SLC36A1: variants seen among roughly 807,000 people sequenced by gnomAD.
SLC36A1 encodes the protein proton-coupled amino acid transporter 1.
SLC36A1 carries 30 observed loss-of-function variants against 47.5 expected under a neutral mutation model. The observed-to-expected ratio is 0.63, with a 90% CI of 0.47 to 0.86. The LOEUF (loss-of-function observed/expected upper bound fraction) is 0.86, where lower values mean the gene tolerates loss of function less well. Ranked by LOEUF, SLC36A1 falls within the 40% of genes least tolerant of loss-of-function variation. The pLI is 0.00. For missense variants in SLC36A1, 517 were observed against 606.0 expected (o/e 0.85, Z 1.54); for synonymous variants, 255 against 249.7 (o/e 1.02, Z -0.20).
chr5:151,554,374 G>A, the SLC36A1 span: 2 of 1,613,788 alleles, frequency 1.2e-6, no homozygotes, highest in Middle Eastern at 1.6e-4. Flanking sequence ...TTAGGATGTT[G>A]TACTCTCCAG....
chr5:151,367,423 A>T, the SLC36A1 span, among the ~76,000 whole-genome samples: 7 of 147,228 alleles, frequency 4.8e-5, no homozygotes, highest in African/African-American at 1.5e-4. Context: ...GAATTTAGCG[A>T]TATGTTTCCT....
the SLC36A1 span, among the ~76,000 whole-genome samples, chr5:151,531,224 G>C: frequency 6.6e-6 from 1 of 152,200 alleles, no homozygotes; most frequent in African/African-American, 2.4e-5. This position sits in a 1 kb window ranked among gnomAD's most constrained non-coding sequence, Gnocchi z 5.7. Context: ...TTAAGCCCCA[G>C]ATTCCAGCAA....
the SLC36A1 span, among the ~76,000 whole-genome samples, chr5:151,388,630 G>A: frequency 6.6e-6 from 1 of 151,950 alleles, no homozygotes; most frequent in African/African-American, 2.4e-5. Flanking sequence ...TGTGTCATGG[G>A]CCACCGTCAC....
At chr5:151,416,738 C>T in the SLC36A1 span, among the ~76,000 whole-genome samples, 1 of 152,202 alleles carries the variant, frequency 6.6e-6, no homozygotes, top group African/African-American at 2.4e-5. Flanking sequence ...TCAGGATAAT[C>T]CAGGATGATC....
the SLC36A1 span, among the ~76,000 whole-genome samples, chr5:151,407,741 A>G: frequency 2.0e-5 from 3 of 152,210 alleles, no homozygotes; most frequent in African/African-American, 7.2e-5. Flanking sequence ...GCCCTCTGCC[A>G]TTCTCTGGAG....
the SLC36A1 span, chr5:151,505,608 A>C: frequency 6.2e-7 from 1 of 1,614,082 alleles, no homozygotes. Flanking sequence ...ACTCTCCACC[A>C]TGTCAGAGCC....
chr5:151,514,308 TGTTGATCCCACC>T, the SLC36A1 span, among the ~76,000 whole-genome samples: 1 of 152,238 alleles, frequency 6.6e-6, no homozygotes, highest in Non-Finnish European at 1.5e-5. Flanking sequence ...ACCACAAATC[TGTTGATCCCACC>T]GTCTTTTCAT....
At chr5:151,486,270 A>G (rs1485141997) in intron 10 of SLC36A1, among the ~76,000 whole-genome samples, 4 of 152,140 alleles carry the variant, frequency 2.6e-5, no homozygotes, top group South Asian at 2.1e-4. Context: ...GAGGGCCCCA[A>G]GTCATTCATG....
chr5:151,498,701 C>A, the SLC36A1 span, among the ~76,000 whole-genome samples: 1 of 152,344 alleles, frequency 6.6e-6, no homozygotes, highest in East Asian at 1.9e-4. Context: ...GAACTACCCA[C>A]CATTGCCCAA....
At chr5:151,465,224 A>T in intron 5 of SLC36A1, 55 bp downstream of exon 5, 1 of 1,358,154 alleles carries the variant, frequency 7.4e-7, no homozygotes, top group Non-Finnish European at 1.1e-6. Flanking sequence ...AGGCCTTCAG[A>T]TGGGGAGGTG....
chr5:151,347,106 T>C, the SLC36A1 span, among the ~76,000 whole-genome samples: 2 of 152,200 alleles, frequency 1.3e-5, no homozygotes, highest in African/African-American at 4.8e-5. Flanking sequence ...TGGATCACTA[T>C]GTCCCTAAGG....
intron 8 of SLC36A1, 114 bp from the exon 9 acceptor site, chr5:151,476,476 T>G: frequency 2.5e-6 from 2 of 797,800 alleles, no homozygotes; most frequent in Non-Finnish European, 3.9e-6. Context: ...CAGATGTGCT[T>G]CTGGAGAATT....
chr5:151,529,252 G>A, the SLC36A1 span: 293,861 of 1,613,664 alleles, frequency 0.18, 28,964 homozygotes, highest in Middle Eastern at 0.21. Flanking sequence ...AATTGGGGCC[G>A]GTGTTCATTG....
the SLC36A1 span, among the ~76,000 whole-genome samples, chr5:151,430,162 CTT>C: frequency 6.3e-3 from 821 of 130,642 alleles, 6 homozygotes; most frequent in African/African-American, 0.02. Context: ...ATTAGCTAAA[CTT>C]TTTTTTTTTT....
chr5:151,531,464 A>G, the SLC36A1 span: 1 of 1,312,124 alleles, frequency 7.6e-7, no homozygotes, highest in Non-Finnish European at 1.0e-6. This position sits in a 1 kb window ranked among gnomAD's most constrained non-coding sequence, Gnocchi z 5.7. Flanking sequence ...GAATGGAGAA[A>G]CGACCAGAGG....
chr5:151,507,609 C>T, the SLC36A1 span: 1 of 1,532,078 alleles, frequency 6.5e-7, no homozygotes, highest in Non-Finnish European at 8.7e-7. Flanking sequence ...CTCCATTTCA[C>T]ACCTGCGGAG....
At chr5:151,401,497 T>G in the SLC36A1 span, among the ~76,000 whole-genome samples, 1 of 152,230 alleles carries the variant, frequency 6.6e-6, no homozygotes, top group African/African-American at 2.4e-5. Flanking sequence ...AGGATTGCTT[T>G]GGCTACTTGG....
the SLC36A1 span, among the ~76,000 whole-genome samples, chr5:151,549,738 GAA>G: frequency 6.6e-6 from 1 of 152,106 alleles, no homozygotes; most frequent in Admixed American, 6.5e-5. Context: ...TATTTTAGGA[GAA>G]AGACAGAAAT....
At chr5:151,487,540 G>C (rs1353637366) in intron 10 of SLC36A1, among the ~76,000 whole-genome samples, 6 of 152,148 alleles carry the variant, frequency 3.9e-5, no homozygotes, top group Non-Finnish European at 8.8e-5. Context: ...TTCCTATTTG[G>C]TTTCTTGTCA....
Sources: allele counts gnomAD v4.1 joint callset (sites outside exome capture counted in the v4.1 genomes callset), GRCh38; gene constraint gnomAD v4.1.1; non-coding constraint Gnocchi (gnomAD v3.1); transcripts MANE v1.5; gene names NCBI Gene and HGNC (gene_info 2026-07-23, HGNC 2026-07-21).